HPSE2: variants seen among roughly 807,000 people sequenced by gnomAD.
The protein encoded by HPSE2 is heparanase 2 (inactive).
HPSE2 carries 38 observed loss-of-function variants against 60.5 expected under a neutral mutation model. The observed-to-expected ratio is 0.63, with a 90% CI of 0.48 to 0.82. The LOEUF is 0.82. HPSE2 is among the 40% of genes least tolerant of loss of function. The pLI, the probability that HPSE2 is intolerant of heterozygous loss-of-function variation, is 0.00. For missense variants in HPSE2, 713 were observed against 740.4 expected, an observed-to-expected ratio of 0.96 and a Z score of 0.43; for synonymous variants, 295 against 293.2, an observed-to-expected ratio of 1.01 and a Z score of -0.06.
In HPSE2 at chr10:99,232,550, C is replaced by T. The variant is rs17111327; in HGVS notation, c.291-45G>A. The T allele has an allele frequency of 5.4e-3, 8,310 of 1,546,454 alleles. 327 individuals carry two copies. The African/African-American group carries it at 0.096, about 18-fold the overall frequency. On this transcript the variant is annotated intron_variant, in intron 1 of 11. Transcript: ENST00000370552. Reference sequence around the variant, plus strand: ...GAGAGGAAAGGTTCCCAGGACAGGACGAGAGCGCGTGGGGCACGGAGAAGG... The same window carrying T: ...GAGAGGAAAGGTTCCCAGGACAGGATGAGAGCGCGTGGGGCACGGAGAAGG...
At chr10:98,572,996 C>A (rs1342758565) in intron 9 of HPSE2, among the ~76,000 whole-genome samples, 1 of 152,120 alleles carries the variant, frequency 6.6e-6, no homozygotes, top group South Asian at 2.1e-4. Context: ...GTCCTTGGCA[C>A]AATATTCAAG....
chr10:98,706,653 G>A (rs1354890418), intron 5 of HPSE2, among the ~76,000 whole-genome samples: 2 of 152,120 alleles, frequency 1.3e-5, no homozygotes, highest in South Asian at 2.1e-4. Flanking sequence ...TTGAAAGAAG[G>A]GTAGGATTTT....
intron 3 of HPSE2, among the ~76,000 whole-genome samples, chr10:99,003,741 TG>T (rs1412219808): frequency 6.6e-6 from 1 of 152,172 alleles, no homozygotes; most frequent in East Asian, 1.9e-4. Flanking sequence ...ACCAGATGGA[TG>T]GTTTGCAAAT....
At chr10:98,613,392 G>A (rs1346682349) in intron 9 of HPSE2, among the ~76,000 whole-genome samples, 1 of 152,094 alleles carries the variant, frequency 6.6e-6, no homozygotes, top group East Asian at 1.9e-4. Context: ...ACACTAGTCC[G>A]GCAAATGTAA....
intron 3 of HPSE2, among the ~76,000 whole-genome samples, chr10:98,919,258 G>T (rs1954213451): frequency 1.3e-5 from 2 of 152,146 alleles, no homozygotes; most frequent in Non-Finnish European, 2.9e-5. Flanking sequence ...ATGTGTAATT[G>T]GTTCCATAGC....
At chr10:98,977,147 T>C (rs1167104875) in intron 3 of HPSE2, among the ~76,000 whole-genome samples, 2 of 152,186 alleles carry the variant, frequency 1.3e-5, no homozygotes, top group Non-Finnish European at 2.9e-5. Flanking sequence ...TTGTGGTAAT[T>C]TGCTATAGCA....
intron 7 of HPSE2, among the ~76,000 whole-genome samples, chr10:98,624,294 A>G (rs921239632): frequency 6.6e-6 from 1 of 152,228 alleles, no homozygotes; most frequent in African/African-American, 2.4e-5. Flanking sequence ...GATAGCGGTC[A>G]GAGGGGGCTC....
intron 3 of HPSE2, among the ~76,000 whole-genome samples, chr10:99,064,488 C>T (rs1445324677): frequency 6.6e-6 from 1 of 152,034 alleles, no homozygotes; most frequent in Non-Finnish European, 1.5e-5. Context: ...GGCGCAGTTG[C>T]TTTCCATGCC....
At chr10:98,905,739 T>C (rs79038121) in intron 3 of HPSE2, among the ~76,000 whole-genome samples, 2,002 of 152,238 alleles carry the variant, frequency 0.013, 37 homozygotes, top group African/African-American at 0.045. Context: ...GGATTGAAAA[T>C]TCCTTCATTA....
In HPSE2 at chr10:98,908,683, CAAAAAAAAAAA is replaced by C. The variant is rs35913499; in HGVS notation, c.611-164638_611-164628del. Among the ~76,000 whole-genome samples, 7 of 66,126 alleles carry C rather than the reference CAAAAAAAAAAA, an allele frequency of 1.1e-4. No individual in the cohort carries two copies. The South Asian group carries it at 4.5e-3, about 42-fold the overall frequency. The allele number at this position is 66,126 out of a possible 152,430, so 43.4% of individuals were successfully genotyped here. A position where few individuals can be genotyped will look rare whatever the true frequency, so the allele number is the denominator to read the frequency against. ...AGGCAACAAGAGCGTAGCTCCATCTCAAAAAAAAAAAAAAAAAAAAAAAAAAGATGGTATAT... is the reference window on the plus strand; with the variant it reads ...AGGCAACAAGAGCGTAGCTCCATCTCAAAAAAAAAAAAAAAGATGGTATAT... On this transcript the variant is annotated intron_variant, in intron 3 of 11. Coordinates refer to ENST00000370552, the MANE Select transcript of HPSE2 (RefSeq NM_021828.5).
At chr10:99,050,376 C>A (rs894609745) in intron 3 of HPSE2, among the ~76,000 whole-genome samples, 7 of 151,452 alleles carry the variant, frequency 4.6e-5, no homozygotes, top group African/African-American at 1.5e-4. Context: ...AGCCTTTGTA[C>A]ACTACTGGTG....
intron 9 of HPSE2, among the ~76,000 whole-genome samples, chr10:98,585,951 CA>C (rs35839169): frequency 0.058 from 6,778 of 116,862 alleles, 123 homozygotes; most frequent in Middle Eastern, 0.14. Context: ...GACTGTGTCT[CA>C]AAAAAAAAAA....
At chr10:99,231,558 C>G (rs1849645401) in intron 2 of HPSE2, among the ~76,000 whole-genome samples, 1 of 152,098 alleles carries the variant, frequency 6.6e-6, no homozygotes, top group Admixed American at 6.6e-5. Flanking sequence ...TTTTTTATCC[C>G]TAGTAAAAAT....
At chr10:98,609,102 C>T (rs1029351065) in intron 9 of HPSE2, among the ~76,000 whole-genome samples, 5 of 152,186 alleles carry the variant, frequency 3.3e-5, no homozygotes, top group Non-Finnish European at 7.4e-5. Flanking sequence ...CTTCCTATGG[C>T]TAACTGGCCC....
At chr10:99,221,640 A>T (rs938959128) in intron 2 of HPSE2, among the ~76,000 whole-genome samples, 1 of 152,208 alleles carries the variant, frequency 6.6e-6, no homozygotes, top group African/African-American at 2.4e-5. Context: ...CAGGGCTTTG[A>T]AAAGTAGGCA....
chr10:98,566,665 G>A (rs1944353978), intron 9 of HPSE2, among the ~76,000 whole-genome samples: 1 of 152,190 alleles, frequency 6.6e-6, no homozygotes, highest in South Asian at 2.1e-4. Context: ...CTGCCCATGT[G>A]CCCAGGGAAG....
rs536053898 is a variant in HPSE2, at chr10:99,042,395, C to T, written c.610+101843G>A. Among the ~76,000 whole-genome samples the T allele has an allele frequency of 6.6e-5, 10 of 151,868 alleles. No homozygotes were observed. The South Asian group carries it at 1.7e-3, about 25-fold the overall frequency. ...CTGCATTTCTCTGGGGTGGAATTCC[C>T]AGAGGCATTTCTCTGGGGTGGAGTT... On this transcript the variant is annotated intron_variant, in intron 3 of 11. Transcript: ENST00000370552.
intron 3 of HPSE2, among the ~76,000 whole-genome samples, chr10:99,105,093 AAAC>A (rs1195527508): frequency 6.6e-6 from 1 of 152,052 alleles, no homozygotes; most frequent in Non-Finnish European, 1.5e-5. Flanking sequence ...CTAGGAGTCA[AAAC>A]ATCATAGAAA....
At chr10:99,015,441 G>A (rs1957116577) in intron 3 of HPSE2, among the ~76,000 whole-genome samples, 1 of 152,182 alleles carries the variant, frequency 6.6e-6, no homozygotes, top group Non-Finnish European at 1.5e-5. Flanking sequence ...ATGATAGACT[G>A]GATTAAGAAA....
Sources: allele counts gnomAD v4.1 joint callset (sites outside exome capture counted in the v4.1 genomes callset), GRCh38; gene constraint gnomAD v4.1.1; transcripts MANE v1.5; gene names NCBI Gene and HGNC (gene_info 2026-07-23, HGNC 2026-07-21).